CNTNAP4: variants seen among roughly 807,000 people sequenced by gnomAD.
CNTNAP4 encodes the protein contactin-associated protein-like 4.
Under a neutral mutation model 148.4 loss-of-function variants are expected in CNTNAP4, and 98 were observed. The ratio of observed to expected loss-of-function variants is 0.66; its 90% confidence interval spans 0.56 to 0.78. The LOEUF (loss-of-function observed/expected upper bound fraction) is 0.78, where lower values mean the gene tolerates loss of function less well. Among genes scored for constraint, CNTNAP4 ranks in the 30% least tolerant of loss-of-function variants. The pLI, the probability that CNTNAP4 is intolerant of heterozygous loss-of-function variation, is 0.00. For synonymous variants in CNTNAP4, 730 were observed against 565.1 expected, an observed-to-expected ratio of 1.29 and a Z score of -4.14; for missense variants, 1,935 against 1,565.6, an observed-to-expected ratio of 1.24 and a Z score of -3.98.
intron 7 of CNTNAP4, 149 bp downstream of exon 7, chr16:76,450,007 A>G: frequency 1.6e-6 from 1 of 620,348 alleles, no homozygotes; most frequent in Non-Finnish European, 2.6e-6. Context: ...TGCATATAAA[A>G]GATTGGTTCT....
At chr16:76,519,615 G>T (rs1315267004) in intron 15 of CNTNAP4, among the ~76,000 whole-genome samples, 1 of 152,130 alleles carries the variant, frequency 6.6e-6, no homozygotes, top group Non-Finnish European at 1.5e-5. Flanking sequence ...GAATGCAAAT[G>T]TGTTGTTATC....
chr16:76,384,475 A>G (rs1169047294), intron 3 of CNTNAP4, among the ~76,000 whole-genome samples: 1 of 152,168 alleles, frequency 6.6e-6, no homozygotes, highest in Non-Finnish European at 1.5e-5. Context: ...GGATGAAAGG[A>G]GGCCACCCAC....
chr16:76,428,106 C>A (rs1009342181), intron 4 of CNTNAP4, among the ~76,000 whole-genome samples: 1 of 152,030 alleles, frequency 6.6e-6, no homozygotes, highest in African/African-American at 2.4e-5. Flanking sequence ...AGACTTCTGC[C>A]TGAATATAAC....
chr16:76,504,891 C>T (rs1033601369), intron 15 of CNTNAP4, among the ~76,000 whole-genome samples: 2 of 152,150 alleles, frequency 1.3e-5, no homozygotes, highest in East Asian at 1.9e-4. Flanking sequence ...AATGCAAACT[C>T]GTACCACAAT....
intron 3 of CNTNAP4, among the ~76,000 whole-genome samples, chr16:76,384,908 A>C (rs1473036706): frequency 1.3e-5 from 2 of 152,232 alleles, no homozygotes; most frequent in African/African-American, 4.8e-5. Flanking sequence ...TTTTCAATAC[A>C]TGAGCCAAAT....
In CNTNAP4 at chr16:76,427,179, A is replaced by G. The variant is rs551201206; in HGVS notation, c.391-273A>G. Among the ~76,000 whole-genome samples, 591 of 152,326 alleles carry G rather than the reference A, an allele frequency of 3.9e-3. 5 individuals are homozygous for G. Among genetic ancestry groups the G allele is most frequent in the African/African-American group, 0.013 (548 of 41,588 alleles). On this transcript the variant is annotated intron_variant, in intron 3 of 23. Transcript: ENST00000611870. ...TTTTTACGTTTAATCTACACTTTAC[A>G]GAAGCAATTTTTGTTACAGGTATCG...
chr16:76,315,505 C>G (rs892505777), intron 1 of CNTNAP4, among the ~76,000 whole-genome samples: 1 of 152,222 alleles, frequency 6.6e-6, no homozygotes, highest in Non-Finnish European at 1.5e-5. Context: ...TTTTGCTAGT[C>G]TAATGTCCAT....
At chr16:76,557,654 T>C (rs2085251121) in intron 23 of CNTNAP4, 2 of 152,212 alleles carry the variant, frequency 1.3e-5, no homozygotes, top group Admixed American at 1.3e-4. Flanking sequence ...ATTATTATTA[T>C]TGTTTTGTGT....
intron 21 of CNTNAP4, among the ~76,000 whole-genome samples, chr16:76,545,599 A>G (rs558641836): frequency 1.3e-5 from 2 of 152,306 alleles, no homozygotes; most frequent in South Asian, 4.1e-4. Flanking sequence ...AAAAAATACC[A>G]AATGATAAAA....
chr16:76,551,968 G>T (rs1188286095), intron 21 of CNTNAP4, among the ~76,000 whole-genome samples: 1 of 152,108 alleles, frequency 6.6e-6, no homozygotes, highest in Non-Finnish European at 1.5e-5. Flanking sequence ...GCTATAAAGA[G>T]CTTCCTGAGA....
chr16:76,551,671 TGACTTG>T lies in CNTNAP4; in HGVS notation c.3443-1609_3443-1604del, dbSNP rs1204619920. Among the ~76,000 whole-genome samples, 131 of 152,294 alleles carry T rather than the reference TGACTTG, an allele frequency of 8.6e-4. 4 individuals are homozygous for T. Among genetic ancestry groups the T allele is most frequent in the Admixed American group, 8.5e-3 (130 of 15,304 alleles). ...TCTGAACTTAACTGTTCCATTTGTG[TGACTTG>T]GATAATATACTCCAGTGTCTACTGT... On this transcript the variant is annotated intron_variant, in intron 21 of 23. Coordinates refer to ENST00000611870, the MANE Select transcript of CNTNAP4 (RefSeq NM_033401.5).
At chr16:76,371,224 G>T (rs1021632433) in intron 3 of CNTNAP4, among the ~76,000 whole-genome samples, 14 of 152,134 alleles carry the variant, frequency 9.2e-5, no homozygotes, top group South Asian at 8.3e-4. Context: ...ATGAGCTCCA[G>T]AGTTCACTGA....
chr16:76,427,390 G>C (rs1460718022), intron 3 of CNTNAP4, 62 bp from the exon 4 acceptor site: 6 of 1,437,848 alleles, frequency 4.2e-6, no homozygotes, highest in Non-Finnish European at 5.7e-6. Flanking sequence ...GACATTATAG[G>C]TGACAAGCTG....
At chr16:76,481,076 T>C (rs1193557451) in intron 12 of CNTNAP4, among the ~76,000 whole-genome samples, 3 of 152,184 alleles carry the variant, frequency 2.0e-5, no homozygotes, top group Non-Finnish European at 4.4e-5. Context: ...ATAGAGAATT[T>C]ATAAACAGAC....
chr16:76,499,573 GTATT>G (rs2082542956), intron 15 of CNTNAP4, among the ~76,000 whole-genome samples: 1 of 150,948 alleles, frequency 6.6e-6, no homozygotes, highest in African/African-American at 2.4e-5. Flanking sequence ...ATTTATTTTA[GTATT>G]TATTGATCAT....
intron 1 of CNTNAP4, among the ~76,000 whole-genome samples, chr16:76,314,436 T>C (rs57712695): frequency 0.015 from 2,217 of 152,312 alleles, 48 homozygotes; most frequent in African/African-American, 0.05. Context: ...TTGGTACAAA[T>C]ACTTGTGTGT....
chr16:76,504,611 A>G (rs936769831), intron 15 of CNTNAP4, among the ~76,000 whole-genome samples: 3 of 152,136 alleles, frequency 2.0e-5, no homozygotes, highest in Admixed American at 6.5e-5. Flanking sequence ...TAAAAATAAT[A>G]ATAAATTGGG....
intron 12 of CNTNAP4, 33 bp from the exon 13 acceptor site, chr16:76,489,653 T>A: frequency 7.8e-7 from 1 of 1,277,900 alleles, no homozygotes; most frequent in Non-Finnish European, 1.1e-6. Context: ...AGTGATGGTC[T>A]CCTCTCTTTC....
intron 4 of CNTNAP4, among the ~76,000 whole-genome samples, chr16:76,447,247 C>CTGCA (rs2080281694): frequency 6.6e-6 from 1 of 151,824 alleles, no homozygotes; most frequent in African/African-American, 2.4e-5. Flanking sequence ...GAGGTCAAGG[C>CTGCA]TGCAGTGAGC....
Sources: allele counts gnomAD v4.1 joint callset (sites outside exome capture counted in the v4.1 genomes callset), GRCh38; gene constraint gnomAD v4.1.1; transcripts MANE v1.5; gene names NCBI Gene and HGNC (gene_info 2026-07-23, HGNC 2026-07-21).